Variants in SSH1 observed in about 807,000 individuals in gnomAD.
SSH1 encodes protein phosphatase Slingshot homolog 1.
Under a neutral mutation model 79.7 loss-of-function variants are expected in SSH1, and 43 were observed. That is an observed-to-expected ratio of 0.54 (90% confidence interval 0.42 to 0.70). The LOEUF (loss-of-function observed/expected upper bound fraction) is 0.70, where lower values mean the gene tolerates loss of function less well. Among genes scored for constraint, SSH1 ranks in the 30% least tolerant of loss-of-function variants. SSH1 has a pLI of 0.00. For synonymous variants in SSH1, 599 were observed against 538.3 expected, an observed-to-expected ratio of 1.11 and a Z score of -1.56; for missense variants, 1,206 against 1,358.8, an observed-to-expected ratio of 0.89 and a Z score of 1.77.
At chr12:108,839,691 A>G (rs1014245542) in intron 2 of SSH1, among the ~76,000 whole-genome samples, 1 of 144,554 alleles carries the variant, frequency 6.9e-6, no homozygotes, top group African/African-American at 2.5e-5. Context: ...GAAAAGAAAG[A>G]AAAAAAAAAC....
intron 10 of SSH1, among the ~76,000 whole-genome samples, chr12:108,804,441 A>G (rs1448030647): frequency 2.0e-5 from 3 of 152,110 alleles, no homozygotes; most frequent in African/African-American, 7.2e-5. Flanking sequence ...GTTGCCTTCT[A>G]TGGATATTCA....
At chr12:108,811,667 G>A (rs952853963) in intron 5 of SSH1, 13 of 399,066 alleles carry the variant, frequency 3.3e-5, no homozygotes, top group South Asian at 1.5e-4. Context: ...AGCCAAGCCC[G>A]GCCTGGCCTG....
intron 1 of SSH1, among the ~76,000 whole-genome samples, chr12:108,855,354 T>A (rs1360709467): frequency 6.6e-6 from 1 of 152,170 alleles, no homozygotes; most frequent in Non-Finnish European, 1.5e-5. Flanking sequence ...AGGGGGAGGC[T>A]GCAGGTGAGG....
chr12:108,798,417 C>A (rs1369896676), intron 13 of SSH1, among the ~76,000 whole-genome samples: 1 of 152,220 alleles, frequency 6.6e-6, no homozygotes, highest in East Asian at 1.9e-4. Context: ...CAGTTCACTG[C>A]AGACTCGAAC....
chr12:108,842,914 G>C (rs1007577501), intron 2 of SSH1, among the ~76,000 whole-genome samples: 1 of 152,196 alleles, frequency 6.6e-6, no homozygotes, highest in African/African-American at 2.4e-5. Context: ...TTTTCACAAA[G>C]ATTAACTGAA....
intron 13 of SSH1, among the ~76,000 whole-genome samples, chr12:108,796,018 C>T (rs1472443821): frequency 1.3e-5 from 2 of 152,118 alleles, no homozygotes; most frequent in East Asian, 1.9e-4. Context: ...CAGGTTCAAG[C>T]CATTCTCCCG....
intron 2 of SSH1, among the ~76,000 whole-genome samples, chr12:108,843,995 G>A (rs952025501): frequency 6.6e-6 from 1 of 152,144 alleles, no homozygotes; most frequent in Admixed American, 6.5e-5. Context: ...AGAGAAAAAC[G>A]CCTGTGAGAA....
Position 108,807,753 on chromosome 12 carries a change from A to G in SSH1, c.611T>C (p.Leu204Pro). The G allele has an allele frequency of 1.2e-6, 2 of 1,613,624 alleles. No homozygotes were observed. The highest frequency in any genetic ancestry group is 1.7e-6 in the Non-Finnish European group (2 of 1,179,716). ...RHNYFPGGVA[L>P]IWATYYESCI... ...GCTCTCATAGTAGGTAGCCCAGATG[A>G]GAGCTACACCCCCGGGGAAGTAGTT... is the stretch of plus-strand genomic sequence containing the variant. Residue 204 changes from leucine to proline, a missense_variant, in exon 8 of 15, where the codon CTC becomes CCC. Physicochemically the swap from Leu to Pro is moderately conservative, Grantham distance 98 (BLOSUM62 -3). Coordinates refer to ENST00000326495, the MANE Select transcript of SSH1 (RefSeq NM_018984.4). The surrounding 1 kb of genome is among the most constrained non-coding windows in gnomAD (Gnocchi z 5.2).
chr12:108,797,853 A>C (rs187666730), intron 13 of SSH1, among the ~76,000 whole-genome samples: 168 of 152,360 alleles, frequency 1.1e-3, no homozygotes, highest in Non-Finnish European at 1.7e-3. Context: ...TTCAGGACAC[A>C]CCAGGTGTGA....
rs778610324 is a variant in SSH1, at chr12:108,788,541, T to G, written c.2597A>C (p.His866Pro). The G allele has an allele frequency of 7.0e-6, 11 of 1,573,796 alleles. No homozygotes were observed. The South Asian group carries it at 1.1e-4, about 15-fold the overall frequency. The change falls in exon 15 of 15, where the codon CAC (histidine) becomes CCC (proline). Residue 866 changes from histidine (H) to proline (P), a missense_variant. By Grantham distance (77) the His-to-Pro change is moderately conservative. Transcript: ENST00000326495. Reference protein sequence around the residue: ...PEESQDPAALHELGPLVMPSQ... With the variant: ...PEESQDPAALPELGPLVMPSQ... ...GGGCATAACCAGGGGGCCCAGCTCG[T>G]GGAGCGCGGCTGGATCCTGGCTCTC...
intron 7 of SSH1, among the ~76,000 whole-genome samples, chr12:108,808,721 G>C (rs1440716716): frequency 6.7e-6 from 1 of 150,088 alleles, no homozygotes; most frequent in Non-Finnish European, 1.5e-5. Flanking sequence ...ACAAGTTCTA[G>C]AAAGTCATTT....
chr12:108,797,327 A>G (rs970133669), intron 13 of SSH1, among the ~76,000 whole-genome samples: 3 of 151,674 alleles, frequency 2.0e-5, no homozygotes, highest in African/African-American at 7.3e-5. Flanking sequence ...ACAGGGTCTC[A>G]GCATGTTGCC....
chr12:108,820,314 T>C (rs2038068874), intron 3 of SSH1, among the ~76,000 whole-genome samples: 1 of 152,190 alleles, frequency 6.6e-6, no homozygotes, highest in African/African-American at 2.4e-5. Context: ...ATGAGCGATT[T>C]GGAGATAAGG....
intron 13 of SSH1, among the ~76,000 whole-genome samples, chr12:108,798,052 G>A (rs1453228949): frequency 1.3e-5 from 2 of 152,190 alleles, no homozygotes; most frequent in South Asian, 2.1e-4. Flanking sequence ...ATGCTGCCAT[G>A]GGGCCTGCAC....
At chr12:108,826,054 A>G (rs773332295) in intron 2 of SSH1, 7 of 433,036 alleles carry the variant, frequency 1.6e-5, no homozygotes, top group African/African-American at 1.2e-4. Flanking sequence ...TTTCGAGACA[A>G]CATCAACTGC....
chr12:108,836,879 C>T (rs368662935), intron 2 of SSH1: 57 of 532,122 alleles, frequency 1.1e-4, no homozygotes, highest in African/African-American at 8.8e-4. Context: ...CACACAAGAA[C>T]ATCAGACACA....
rs770122603 is a variant in SSH1, at chr12:108,792,291, T to C, written c.1888A>G (p.Met630Val). ...NNSKRSCPNG[M>V]EDDAIFGILN... ...GCAGGCCGGGCTCTGCCTACCTCCA[T>C]GCCGTTGGGACAGCTCCTCTTGCTG... Residue 630 changes from methionine to valine, a missense_variant, in exon 14 of 15, where the codon ATG (methionine) becomes GTG (valine). By Grantham distance (21) the Met-to-Val change is conservative. Around this residue, in one of 5 missense-constraint regions of SSH1, gnomAD observed 709 missense variants for 730.6 expected, o/e 0.97. Coordinates refer to ENST00000326495, the MANE Select transcript of SSH1 (RefSeq NM_018984.4). 2 of 1,614,186 alleles carry C rather than the reference T, an allele frequency of 1.2e-6. No individual in the cohort carries two copies. Among genetic ancestry groups the C allele is most frequent in the African/African-American group, 2.7e-5 (2 of 75,046 alleles).
chr12:108,817,249 T>C, intron 4 of SSH1, 90 bp from the exon 5 acceptor site: 1 of 1,574,638 alleles, frequency 6.4e-7, no homozygotes, highest in Non-Finnish European at 8.6e-7. Context: ...CTTTCAGTGT[T>C]CTACCTTTCC....
At position 108,806,349 on chromosome 12, in the gene SSH1, G is replaced by C; in HGVS notation, c.777C>G (p.Leu259=). Residue 259 remains leucine, a synonymous_variant, in exon 9 of 15, where the codon CTC becomes CTG. Transcript: ENST00000326495. Reference sequence around the variant, plus strand: ...GATCCTGGCTCATCATGATGCTTCGGAGCTTGGCTTTGATGAGGCGCTCGG... The same window carrying C: ...GATCCTGGCTCATCATGATGCTTCGCAGCTTGGCTTTGATGAGGCGCTCGG... ...ERTERLIKAK[L]RSIMMSQDLE... is the part of the protein sequence containing the mutation. 6.2e-7 allele frequency: 1 copy of C among 1,614,182 alleles called. No homozygotes were observed. Among genetic ancestry groups the C allele is most frequent in the Non-Finnish European group, 8.5e-7 (1 of 1,180,032 alleles).
Sources: gnomAD v4.1 joint callset for allele counts (sites outside exome capture counted in the v4.1 genomes callset) on GRCh38, gnomAD v4.1.1 for gene constraint, gnomAD v4.1.1 regional missense constraint, Gnocchi (gnomAD v3.1) non-coding constraint, MANE v1.5 for transcripts, NCBI Gene and HGNC (gene_info 2026-07-23, HGNC 2026-07-21) for gene names.